ZNF513: variants seen among roughly 807,000 people sequenced by gnomAD.
ZNF513 encodes the protein zinc finger protein 513.
Under a neutral mutation model 39.7 loss-of-function variants are expected in ZNF513, and 16 were observed. That is an observed-to-expected ratio of 0.40 (90% CI 0.27 to 0.61). The LOEUF (loss-of-function observed/expected upper bound fraction) is 0.61. Among genes scored for constraint, ZNF513 ranks in the 20% least tolerant of loss-of-function variants. The pLI is 0.39. For synonymous variants in ZNF513, 348 were observed against 296.5 expected (o/e 1.17, Z -1.79); for missense variants, 699 against 743.6 (o/e 0.94, Z 0.70).
At position 27,380,157 on chromosome 2, in the gene ZNF513, T is replaced by C. The variant is rs760426925; in HGVS notation, c.147A>G (p.Glu49=). 9.9e-6 allele frequency: 16 copies of C among 1,613,908 alleles called. No homozygotes were observed. In the East Asian group the frequency reaches 3.1e-4, roughly 31 times the overall value. Residue 49 remains glutamate (E), a synonymous_variant, in exon 2 of 4, where the codon GAA becomes GAG. Coordinates refer to ENST00000323703, the MANE Select transcript of ZNF513 (RefSeq NM_144631.6). The part of the protein sequence containing the change: ...LLGQDLEFEE[E]EEEEEGDGNS... Reference sequence around the variant, plus strand: ...TGCCGTCGCCTTCCTCCTCTTCCTCTTCCTCCTCAAACTCCAGATCCTGGC... The same window carrying C: ...TGCCGTCGCCTTCCTCCTCTTCCTCCTCCTCCTCAAACTCCAGATCCTGGC...
chr2:27,380,544 C>A lies in ZNF513; in HGVS notation c.-18G>T. On this transcript the variant is annotated 5_prime_UTR_variant, in exon 1 of 4. Transcript: ENST00000323703. The stretch of plus-strand genomic sequence containing the variant: ...CGGGGCATCGTGACCGGCTCCAGCC[C>A]GACGCGCCTCCGGCCTGCGGCCGCC... 1 of 1,560,430 alleles carries A rather than the reference C, an allele frequency of 6.4e-7. No individual in the cohort carries two copies. Among genetic ancestry groups the A allele is most frequent in the Non-Finnish European group, 8.7e-7 (1 of 1,145,374 alleles).
In ZNF513 at chr2:27,378,952, G is replaced by C. The variant is rs1683487208; in HGVS notation, c.314C>G (p.Ala105Gly). ...LSAESEVEEP[A>G]RGPGEARGER... Reference sequence around the variant, plus strand: ...ACCCCTGGCCTCCCCTGGACCCCTGGCTGGCTCCTCAACTTCACTCTCCGC... The same window carrying C: ...ACCCCTGGCCTCCCCTGGACCCCTGCCTGGCTCCTCAACTTCACTCTCCGC... Residue 105 changes from alanine to glycine, a missense_variant, in exon 3 of 4, where the codon GCC (alanine) becomes GGC (glycine). Physicochemically the swap from Ala to Gly is moderately conservative, Grantham distance 60. This residue lies in a region of ZNF513 where 530 missense variants were observed against 499.3 expected (regional missense o/e 1.06). Transcript: ENST00000323703. This position sits in a 1 kb window ranked among gnomAD's most constrained non-coding sequence, Gnocchi z 8.0. 4 of 1,611,628 alleles carry C rather than the reference G, an allele frequency of 2.5e-6. No individual in the cohort carries two copies. The African/African-American group carries it at 4.0e-5, about 16-fold the overall frequency.
rs541172135 is a variant in ZNF513, at chr2:27,379,950, A to G, written c.211+143T>C. On this transcript the variant is annotated intron_variant, in intron 2 of 3. Transcript: ENST00000323703. ...GTGATGGAAGTGATTGGACCATTAA[A>G]CAAATGAAGTCATCTAGCTCAAATG... 8.8e-6 allele frequency: 10 copies of G among 1,132,418 alleles called. No individual in the cohort carries two copies. The African/African-American group carries it at 1.4e-4, about 16-fold the overall frequency. The allele number at this position is 1,132,418 out of a possible 1,614,324, so 70.1% of individuals were successfully genotyped here.
Position 27,378,928 on chromosome 2 carries a change from C to T in ZNF513, c.338G>A (p.Gly113Asp), listed in dbSNP as rs1572654754. ...CTGGCAGGCTGGGCCTGGCCTCTCA[C>T]CCCTGGCCTCCCCTGGACCCCTGGC... ...EPARGPGEARGERPGPACQLC... is the reference protein window; with the variant it reads ...EPARGPGEARDERPGPACQLC... The change falls in exon 3 of 4, where the codon GGT becomes GAT. Residue 113 changes from glycine (G) to aspartate (D), a missense_variant. Around this residue, in one of 3 missense-constraint regions of ZNF513, gnomAD observed 530 missense variants for 499.3 expected, o/e 1.06. Coordinates refer to ENST00000323703, the MANE Select transcript of ZNF513 (RefSeq NM_144631.6). The surrounding 1 kb of genome is among the most constrained non-coding windows in gnomAD (Gnocchi z 8.0). 6.2e-7 allele frequency: 1 copy of T among 1,608,618 alleles called. No individual in the cohort carries two copies. Among genetic ancestry groups the T allele is most frequent in the Non-Finnish European group, 8.5e-7 (1 of 1,177,336 alleles).
Position 27,380,565 on chromosome 2 carries a change from C to A in ZNF513, c.-39G>T. On this transcript the variant is annotated 5_prime_UTR_variant, in exon 1 of 4. Coordinates refer to ENST00000323703, the MANE Select transcript of ZNF513 (RefSeq NM_144631.6). ...AGCCCGACGCGCCTCCGGCCTGCGG[C>A]CGCCCGACCCCGCCCCTCCTATCTC... The A allele has an allele frequency of 6.5e-7, 1 of 1,533,748 alleles. No homozygotes were observed.
rs749722581 is a variant in ZNF513 at position 27,377,402 on chromosome 2, T to TG, written c.*142dup. ...GTGCCTCAGTCAAGGCAAGGTCCCC[T>TG]GGTCCATATGGGCCCCCCCGCCCAT... On this transcript the variant is annotated 3_prime_UTR_variant, in exon 4 of 4. Coordinates refer to ENST00000323703, the MANE Select transcript of ZNF513 (RefSeq NM_144631.6). This position sits in a 1 kb window ranked among gnomAD's most constrained non-coding sequence, Gnocchi z 4.4. 51 of 885,834 alleles carry TG rather than the reference T, an allele frequency of 5.8e-5. No individual in the cohort carries two copies. Among genetic ancestry groups the TG allele is most frequent in the Non-Finnish European group, 8.7e-5 (48 of 551,778 alleles). The allele number at this position is 885,834 out of a possible 1,614,324, so 54.9% of individuals were successfully genotyped here.
Position 27,378,190 on chromosome 2 carries a change from C to G in ZNF513, c.981G>C (p.Glu327Asp). 6.2e-7 allele frequency: 1 copy of G among 1,610,582 alleles called. No homozygotes were observed. The highest frequency in any genetic ancestry group is 8.5e-7 in the Non-Finnish European group (1 of 1,179,934). ...ACATGGCAGCTCCCAGCCGACTACCCTCACCCTCCTCCAGCTCTTGTCCAC... is the reference window on the plus strand; with the variant it reads ...ACATGGCAGCTCCCAGCCGACTACCGTCACCCTCCTCCAGCTCTTGTCCAC... The part of the protein sequence containing the change: ...RGCGQELEEG[E>D]GSRLGAAMCG... Residue 327 changes from glutamate to aspartate, a missense_variant, in exon 4 of 4, where the codon GAG becomes GAC. By Grantham distance (45) the Glu-to-Asp change is conservative. This residue lies in a region of ZNF513 where 530 missense variants were observed against 499.3 expected (regional missense o/e 1.06). Coordinates refer to ENST00000323703, the MANE Select transcript of ZNF513 (RefSeq NM_144631.6). The surrounding 1 kb of genome is among the most constrained non-coding windows in gnomAD (Gnocchi z 8.0).
chr2:27,380,639 C>A lies in ZNF513; in HGVS notation c.-113G>T. ...TCAGGGCCCGCGGGCCGCCCCCATGCAGCGGCGCGGGCCCTGGGCAGCCCC... is the reference window on the plus strand; with the variant it reads ...TCAGGGCCCGCGGGCCGCCCCCATGAAGCGGCGCGGGCCCTGGGCAGCCCC... On this transcript the variant is annotated 5_prime_UTR_variant, in exon 1 of 4. Transcript: ENST00000323703. The A allele has an allele frequency of 7.0e-7, 1 of 1,421,938 alleles. No individual in the cohort carries two copies. The highest frequency in any genetic ancestry group is 1.5e-5 in the African/African-American group (1 of 66,092). 88.1% of individuals were successfully genotyped at this position (1,421,938 alleles called of 1,614,324 possible). A position where few individuals can be genotyped will look rare whatever the true frequency, so the allele number is the denominator to read the frequency against.
At chr2:27,380,004 G>A in intron 2 of ZNF513, 89 bp downstream of exon 2, 1 of 1,558,690 alleles carries the variant, frequency 6.4e-7, no homozygotes, top group Non-Finnish European at 8.8e-7. Context: ...GGTTGTGGCA[G>A]GAAATGGTGT....
At position 27,378,340 on chromosome 2, in the gene ZNF513, A is replaced by G. The variant is rs1158950450; in HGVS notation, c.831T>C (p.His277=). ...DALLLPDLSL[H]VPPGGASFLP... is the part of the protein sequence containing the mutation. The stretch of plus-strand genomic sequence containing the variant: ...GGAAACTGGCACCACCTGGTGGCAC[A>G]TGGAGGCTCAAATCTGGAAGGAGCA... The change falls in exon 4 of 4, where the codon CAT becomes CAC. Residue 277 remains histidine, a synonymous_variant. Coordinates refer to ENST00000323703, the MANE Select transcript of ZNF513 (RefSeq NM_144631.6). This position sits in a 1 kb window ranked among gnomAD's most constrained non-coding sequence, Gnocchi z 8.0. 1.2e-6 allele frequency: 2 copies of G among 1,601,920 alleles called. No individual in the cohort carries two copies. The highest frequency in any genetic ancestry group is 8.5e-7 in the Non-Finnish European group (1 of 1,179,982).
At chr2:27,380,394 T>TC (rs772511412) in intron 1 of ZNF513, 78 bp downstream of exon 1, 32 of 1,575,316 alleles carry the variant, frequency 2.0e-5, no homozygotes, top group Non-Finnish European at 2.7e-5. Flanking sequence ...CCCTCAGGAG[T>TC]CCCCCTCCAC....
rs779353288 is a variant in ZNF513, at chr2:27,378,581, C to G, written c.685G>C (p.Ala229Pro). The change falls in exon 3 of 4, where the codon GCA (alanine) becomes CCA (proline). Residue 229 changes from alanine (A) to proline (P), a missense_variant. Ala to Pro is a conservative substitution (Grantham distance 27). Transcript: ENST00000323703. This position sits in a 1 kb window ranked among gnomAD's most constrained non-coding sequence, Gnocchi z 8.0. ...GNLRRHQRTH[A>P]GPPTPPCPTC... ...GGGCAGGGAGGAGTGGGGGGCCCTGCGTGGGTACGCTGATGCCGCCTCAGG... is the reference window on the plus strand; with the variant it reads ...GGGCAGGGAGGAGTGGGGGGCCCTGGGTGGGTACGCTGATGCCGCCTCAGG... 1.2e-6 allele frequency: 2 copies of G among 1,613,732 alleles called. No homozygotes were observed. The highest frequency in any genetic ancestry group is 1.3e-5 in the African/African-American group (1 of 74,926).
At position 27,377,328 on chromosome 2, in the gene ZNF513, C is replaced by G. The variant is rs536704518; in HGVS notation, c.*217G>C. 640 of 695,354 alleles carry G rather than the reference C, an allele frequency of 9.2e-4. No individual in the cohort carries two copies. Among genetic ancestry groups the G allele is most frequent in the Non-Finnish European group, 1.3e-3 (514 of 382,658 alleles). 43.1% of individuals were successfully genotyped at this position (695,354 alleles called of 1,614,324 possible). A position where few individuals can be genotyped will look rare whatever the true frequency, so the allele number is the denominator to read the frequency against. On this transcript the variant is annotated 3_prime_UTR_variant, in exon 4 of 4. Coordinates refer to ENST00000323703, the MANE Select transcript of ZNF513 (RefSeq NM_144631.6). This position sits in a 1 kb window ranked among gnomAD's most constrained non-coding sequence, Gnocchi z 4.4. ...CCCCCAGCCGGTTTGTCCACAGCCC[C>G]TGGGGGCAGTGGAGGTGAATACAGG...
chr2:27,380,093 C>T lies in ZNF513; in HGVS notation c.211G>A (p.Gly71Arg). The T allele has an allele frequency of 6.2e-7, 1 of 1,614,116 alleles. No individual in the cohort carries two copies. ...CCTTAACCAAGACCCGAAAACCCAC[C>T]TTCCGAGTCTCTCTCGAAGCCCATG... is the stretch of plus-strand genomic sequence containing the variant. ...QLMGFERDSE[G>R]DSLGARPGLP... The change falls in exon 2 of 4, where the codon GGA (glycine) becomes AGA (arginine). Residue 71 changes from glycine (G) to arginine (R), a missense_variant and splice_region_variant. Coordinates refer to ENST00000323703, the MANE Select transcript of ZNF513 (RefSeq NM_144631.6).
chr2:27,380,444 TCTCCC>T (rs1395908911), intron 1 of ZNF513, 23 bp downstream of exon 1: 3 of 1,520,568 alleles, frequency 2.0e-6, no homozygotes, highest in East Asian at 2.4e-5. Context: ...CCCCCGCTCC[TCTCCC>T]CTCAAGGCCC....
In ZNF513 at chr2:27,380,519, C is replaced by G; in HGVS notation, c.8G>C (p.Arg3Pro). The change falls in exon 1 of 4, where the codon CGA becomes CCA. Residue 3 changes from arginine (R) to proline (P), a missense_variant. Transcript: ENST00000323703. ...GGGCTGCGGGTGGCTTTGCTTCCTT[C>G]GGGGCATCGTGACCGGCTCCAGCCC... Reference protein sequence around the residue: MPRRKQSHPQPVK... With the variant: MPPRKQSHPQPVK... 1 of 1,578,008 alleles carries G rather than the reference C, an allele frequency of 6.3e-7. No homozygotes were observed. The highest frequency in any genetic ancestry group is 8.7e-7 in the Non-Finnish European group (1 of 1,152,356).
In ZNF513 at chr2:27,379,695, C is replaced by A. The variant is rs142836724; in HGVS notation, c.211+398G>T. ...AGACAGAAACTAAAACCTCTCAATA[C>A]AAAAGGAGCTTACGCTGCAGGTGAA... On this transcript the variant is annotated intron_variant, in intron 2 of 3. Transcript: ENST00000323703. 1.5e-3 allele frequency among the ~76,000 whole-genome samples: 236 copies of A among 152,292 alleles called. 1 individual carries two copies. The highest frequency in any genetic ancestry group is 5.5e-3 in the African/African-American group (229 of 41,572).
chr2:27,380,100 GTCTC>G lies in ZNF513; in HGVS notation c.200_203del (p.Arg67ThrfsTer17), dbSNP rs1212777851. On this transcript the variant is annotated frameshift_variant, in exon 2 of 4. Coordinates refer to ENST00000323703, the MANE Select transcript of ZNF513 (RefSeq NM_144631.6). LOFTEE classifies it high-confidence loss of function. ...CAAGACCCGAAAACCCACCTTCCGA[GTCTC>G]TCTCGAAGCCCATGAGCTGGTCACT... is the stretch of plus-strand genomic sequence containing the variant. 6.2e-7 allele frequency: 1 copy of G among 1,614,074 alleles called. No individual in the cohort carries two copies. Among genetic ancestry groups the G allele is most frequent in the Non-Finnish European group, 8.5e-7 (1 of 1,180,016 alleles).
rs200729569 is a variant in ZNF513, at chr2:27,377,837, C to T, written c.1334G>A (p.Arg445Gln). 4.2e-5 allele frequency: 68 copies of T among 1,613,944 alleles called. No individual in the cohort carries two copies. Among genetic ancestry groups the T allele is most frequent in the East Asian group, 8.9e-5 (4 of 44,866 alleles). ...GRIHSGDKPF[R>Q]CSLCNYSCNQ... is the part of the protein sequence containing the mutation. ...GCAGCTGTAGTTGCAAAGGCTACAC[C>T]GAAAAGGTTTGTCACCAGAGTGGAT... The change falls in exon 4 of 4, where the codon CGG (arginine) becomes CAG (glutamine). Residue 445 changes from arginine (R) to glutamine (Q), a missense_variant. Arg to Gln is a conservative substitution (Grantham distance 43, BLOSUM62 1). Around this residue, in one of 3 missense-constraint regions of ZNF513, gnomAD observed 98 missense variants for 180.2 expected, o/e 0.54. Transcript: ENST00000323703. This position sits in a 1 kb window ranked among gnomAD's most constrained non-coding sequence, Gnocchi z 4.4.
Sources: gnomAD v4.1 joint callset for allele counts (sites outside exome capture counted in the v4.1 genomes callset) on GRCh38, gnomAD v4.1.1 for gene constraint, gnomAD v4.1.1 regional missense constraint, Gnocchi (gnomAD v3.1) non-coding constraint, MANE v1.5 for transcripts, NCBI Gene and HGNC (gene_info 2026-07-23, HGNC 2026-07-21) for gene names.